Variants in EZH1 observed in about 807,000 individuals in gnomAD.
EZH1 encodes histone-lysine N-methyltransferase EZH1.
EZH1 carries 33 observed loss-of-function variants against 100.5 expected under a neutral mutation model. The observed-to-expected ratio is 0.33, with a 90% CI of 0.25 to 0.44. EZH1 has a LOEUF of 0.44. Among genes scored for constraint, EZH1 ranks in the 20% least tolerant of loss-of-function variants. EZH1 has a pLI of 1.00. For missense variants in EZH1, 475 were observed against 928.4 expected (o/e 0.51, Z 6.35); for synonymous variants, 272 against 313.8 (o/e 0.87, Z 1.41).
At chr17:42,720,682 C>T (rs1024800601) in intron 6 of EZH1, among the ~76,000 whole-genome samples, 14 of 151,988 alleles carry the variant, frequency 9.2e-5, no homozygotes, top group South Asian at 2.1e-4. Context: ...TTTTTTTAGA[C>T]GGAGTTTCGC....
chr17:42,720,347 G>A lies in EZH1; in HGVS notation c.590C>T (p.Thr197Ile), dbSNP rs1378626218. 13 of 1,614,030 alleles carry A rather than the reference G, an allele frequency of 8.1e-6. No homozygotes were observed. Among genetic ancestry groups the A allele is most frequent in the Non-Finnish European group, 8.5e-7 (1 of 1,180,038 alleles). Reference protein sequence around the residue: ...SDEEEEGHNDTSDGKQDDSKE... With the variant: ...SDEEEEGHNDISDGKQDDSKE... ...GCTGTCATCCTGCTTTCCATCTGAG[G>A]TGTCATTGTGCCCTTCCTCCTCCTC... Residue 197 changes from threonine (T) to isoleucine (I), a missense_variant, in exon 7 of 21, where the codon ACC becomes ATC. Thr to Ile is a moderately conservative substitution (Grantham distance 89). Around this residue, in one of 8 missense-constraint regions of EZH1, gnomAD observed 180 missense variants for 295.3 expected, o/e 0.61. Transcript: ENST00000428826.
At chr17:42,738,911 C>G (rs1385885140) in intron 1 of EZH1, among the ~76,000 whole-genome samples, 2 of 151,560 alleles carry the variant, frequency 1.3e-5, no homozygotes, top group African/African-American at 4.8e-5. Flanking sequence ...ATGCTCGCCA[C>G]CAAGCCGGGT....
At chr17:42,707,198 T>G (rs1470833149) in intron 15 of EZH1, among the ~76,000 whole-genome samples, 1 of 152,102 alleles carries the variant, frequency 6.6e-6, no homozygotes, top group African/African-American at 2.4e-5. Flanking sequence ...ATAAAAAATT[T>G]TTTAAAACAG....
At chr17:42,724,984 T>C (rs1299746999) in intron 4 of EZH1, among the ~76,000 whole-genome samples, 1 of 151,924 alleles carries the variant, frequency 6.6e-6, no homozygotes, top group Non-Finnish European at 1.5e-5. Context: ...CTGGCCAACA[T>C]GGTGAAACCC....
chr17:42,702,529 G>C lies in EZH1; in HGVS notation c.*3C>G. 6.4e-7 allele frequency: 1 copy of C among 1,558,456 alleles called. No individual in the cohort carries two copies. The highest frequency in any genetic ancestry group is 1.4e-5 in the African/African-American group (1 of 73,724). On this transcript the variant is annotated 3_prime_UTR_variant, in exon 21 of 21. Coordinates refer to ENST00000428826, the MANE Select transcript of EZH1 (RefSeq NM_001991.5). ...ATAAGTGCTGCCGTGGGGCCTGGGAGGGCTAAAGGACGTCGGTCTCCCTCT... is the reference window on the plus strand; with the variant it reads ...ATAAGTGCTGCCGTGGGGCCTGGGACGGCTAAAGGACGTCGGTCTCCCTCT...
Position 42,706,444 on chromosome 17 carries a change from G to C in EZH1, c.1661-259C>G, listed in dbSNP as rs2053355403. On this transcript the variant is annotated intron_variant, in intron 15 of 20. Coordinates refer to ENST00000428826, the MANE Select transcript of EZH1 (RefSeq NM_001991.5). This position sits in a 1 kb window ranked among gnomAD's most constrained non-coding sequence, Gnocchi z 4.4. ...TCATGCCTGTAATCCTAGCACTTTG[G>C]GAGGCCAAGGCAGGAGAATCACCTG... Among the ~76,000 whole-genome samples, 2 of 151,988 alleles carry C rather than the reference G, an allele frequency of 1.3e-5. No individual in the cohort carries two copies. Among genetic ancestry groups the C allele is most frequent in the African/African-American group, 4.8e-5 (2 of 41,366 alleles).
chr17:42,724,165 G>A, intron 5 of EZH1, 140 bp downstream of exon 5: 1 of 913,992 alleles, frequency 1.1e-6, no homozygotes, highest in Middle Eastern at 3.2e-4. Flanking sequence ...TTTAGAGTAA[G>A]TAAATTACAA....
intron 2 of EZH1, among the ~76,000 whole-genome samples, chr17:42,729,574 CA>C (rs71157667): frequency 0.6 from 83,116 of 137,834 alleles, 24,775 homozygotes; most frequent in African/African-American, 0.77. Flanking sequence ...ACTAAAAATA[CA>C]AAAAAAAAAA....
rs867221826 is a variant in EZH1, at chr17:42,718,553, C to T, written c.832G>A (p.Asp278Asn). Reference protein sequence around the residue: ...ALPPQCTPNIDGPNAKSVQRE... With the variant: ...ALPPQCTPNINGPNAKSVQRE... ...TGCACAGACTTGGCATTGGGGCCAT[C>T]GATGTTGGGTGTGCACTGAGGGGGA... Residue 278 changes from aspartate to asparagine, a missense_variant, in exon 9 of 21, where the codon GAT becomes AAT. Asp to Asn is a conservative substitution (Grantham distance 23). This residue lies in a region of EZH1 where 180 missense variants were observed against 295.3 expected (regional missense o/e 0.61). Transcript: ENST00000428826. The surrounding 1 kb of genome is among the most constrained non-coding windows in gnomAD (Gnocchi z 4.2). 6.2e-7 allele frequency: 1 copy of T among 1,614,096 alleles called. No homozygotes were observed. Among genetic ancestry groups the T allele is most frequent in the Non-Finnish European group, 8.5e-7 (1 of 1,180,024 alleles).
At chr17:42,716,211 C>T (rs982713443) in intron 10 of EZH1, among the ~76,000 whole-genome samples, 3 of 151,938 alleles carry the variant, frequency 2.0e-5, no homozygotes, top group Non-Finnish European at 4.4e-5. Flanking sequence ...GGATACTATA[C>T]AATTTTTATT....
At chr17:42,709,526 G>A (rs899728987) in intron 13 of EZH1, 12 of 257,504 alleles carry the variant, frequency 4.7e-5, no homozygotes, top group African/African-American at 2.7e-4. Flanking sequence ...AAATGGGTAA[G>A]GTGGTAACAA....
chr17:42,718,381 A>T lies in EZH1; in HGVS notation c.931+73T>A, dbSNP rs946944739. 253 of 1,578,264 alleles carry T rather than the reference A, an allele frequency of 1.6e-4. 4 individuals carry two copies. In the East Asian group the frequency reaches 5.7e-3, roughly 35 times the overall value. ...AGCCAGGAACTCTATACGAGAAACC[A>T]GAACAAAGAGAAGGAAATGGTGGCT... On this transcript the variant is annotated intron_variant, in intron 9 of 20. Transcript: ENST00000428826. The surrounding 1 kb of genome is among the most constrained non-coding windows in gnomAD (Gnocchi z 4.2).
At chr17:42,703,102 C>CTAG in intron 19 of EZH1, 141 bp from the exon 20 acceptor site, 1 of 734,058 alleles carries the variant, frequency 1.4e-6, no homozygotes, top group Non-Finnish European at 2.4e-6. Flanking sequence ...TGGTAGTTGC[C>CTAG]TCTATGCTTT....
chr17:42,720,354 TG>T lies in EZH1; in HGVS notation c.582del (p.His194GlnfsTer18). 6.2e-7 allele frequency: 1 copy of T among 1,614,224 alleles called. No homozygotes were observed. Among genetic ancestry groups the T allele is most frequent in the Non-Finnish European group, 8.5e-7 (1 of 1,180,042 alleles). On this transcript the variant is annotated frameshift_variant, in exon 7 of 21. Transcript: ENST00000428826. LOFTEE classifies it high-confidence loss of function. ...TCCTGCTTTCCATCTGAGGTGTCATTGTGCCCTTCCTCCTCCTCATCTGAGT... is the reference window on the plus strand; with the variant it reads ...TCCTGCTTTCCATCTGAGGTGTCATTTGCCCTTCCTCCTCCTCATCTGAGT... Reference protein sequence around the residue: ...NQYSDEEEEGHNDTSDGKQDD... With the variant: ...NQYSDEEEEGXNDTSDGKQDD...
chr17:42,724,279 A>G (rs769666461), intron 5 of EZH1, 26 bp downstream of exon 5: 18 of 1,612,546 alleles, frequency 1.1e-5, no homozygotes, highest in Non-Finnish European at 1.5e-5. Flanking sequence ...AGTTTAAATA[A>G]CCACCACAGT....
chr17:42,704,920 C>T (rs1205249614), intron 17 of EZH1, among the ~76,000 whole-genome samples, 168 bp downstream of exon 17: 1 of 152,222 alleles, frequency 6.6e-6, no homozygotes, highest in Non-Finnish European at 1.5e-5. Flanking sequence ...AAGAGTTGAA[C>T]AGTGGTTTCA....
At chr17:42,725,995 C>T (rs1035306627) in intron 4 of EZH1, among the ~76,000 whole-genome samples, 9 of 151,886 alleles carry the variant, frequency 5.9e-5, no homozygotes, top group Admixed American at 3.9e-4. Context: ...TCTCCTGCCT[C>T]AGCCTCCTGA....
In EZH1 at chr17:42,727,702, C is replaced by T. The variant is rs1439142197; in HGVS notation, c.179G>A (p.Trp60Ter). ...QEKTQILNEE[W>*]KKLRVQPVQS... ...AACAGGTTGGACACGAAGCTTCTTC[C>T]ATTCTTCATTGAGGATCTGGGTTTT... is the stretch of plus-strand genomic sequence containing the variant. Residue 60 changes from tryptophan to a stop codon, truncating the protein, a stop_gained, in exon 4 of 21, where the codon TGG (tryptophan) becomes TAG (stop). Transcript: ENST00000428826. LOFTEE classifies it high-confidence loss of function. The T allele has an allele frequency of 6.2e-7, 1 of 1,608,786 alleles. No homozygotes were observed. The highest frequency in any genetic ancestry group is 8.5e-7 in the Non-Finnish European group (1 of 1,178,424).
intron 1 of EZH1, among the ~76,000 whole-genome samples, chr17:42,738,778 GAGA>G (rs1381776140): frequency 5.0e-5 from 2 of 40,318 alleles, no homozygotes; most frequent in African/African-American, 2.5e-4. Flanking sequence ...TTTTTTTTTT[GAGA>G]AGGAGTCTCA....
Sources: allele counts gnomAD v4.1 joint callset (sites outside exome capture counted in the v4.1 genomes callset), GRCh38; gene constraint gnomAD v4.1.1; regional missense constraint gnomAD v4.1.1; non-coding constraint Gnocchi (gnomAD v3.1); transcripts MANE v1.5; gene names NCBI Gene and HGNC (gene_info 2026-07-23, HGNC 2026-07-21).